UPRT: variants seen among roughly 807,000 people sequenced by gnomAD.
The protein encoded by UPRT is RP11-311P8.3.
Under a neutral mutation model 22.6 loss-of-function variants are expected in UPRT, and 5 were observed. That is an observed-to-expected ratio of 0.22 (90% CI 0.12 to 0.47). The LOEUF (loss-of-function observed/expected upper bound fraction) is 0.47, where lower values mean the gene tolerates loss of function less well. UPRT is among the 20% of genes least tolerant of loss of function. The pLI, the probability that UPRT is intolerant of heterozygous loss-of-function variation, is 0.99. For synonymous variants in UPRT, 77 were observed against 87.7 expected (o/e 0.88, Z 0.68); for missense variants, 181 against 239.9 (o/e 0.75, Z 1.62).
chrX:75,252,436 A>T (rs1051799107), intron 4 of UPRT, among the ~76,000 whole-genome samples: 2 of 112,860 alleles, frequency 1.8e-5, no homozygotes, highest in Admixed American at 1.9e-4. Context: ...AAAACACATG[A>T]AAAAATGCTC....
chrX:75,234,786 A>G (rs1273498561), intron 4 of UPRT, among the ~76,000 whole-genome samples: 2 of 111,234 alleles, frequency 1.8e-5, no homozygotes, highest in Non-Finnish European at 3.8e-5. Context: ...CATTCAAAGC[A>G]GTGTGTAGAG....
intron 1 of UPRT, among the ~76,000 whole-genome samples, chrX:75,289,266 T>G (rs1201363790): frequency 1.8e-5 from 2 of 111,019 alleles, no homozygotes; most frequent in Non-Finnish European, 3.8e-5. Context: ...GCAAAAGATC[T>G]CTACAAAGAG....
intron 6 of UPRT, 112 bp downstream of exon 6, chrX:75,301,077 C>A: frequency 2.1e-6 from 1 of 483,962 alleles, no homozygotes; most frequent in Non-Finnish European, 3.4e-6. Context: ...CACATTAAAT[C>A]TGAATCTAAT....
intron 4 of UPRT, among the ~76,000 whole-genome samples, chrX:75,224,408 CCTT>C (rs1426216366): frequency 9.9e-5 from 11 of 110,697 alleles, no homozygotes; most frequent in Non-Finnish European, 2.1e-4. Context: ...ATTATTATTT[CCTT>C]CTTTTTTTTT....
chrX:75,177,447 A>T (rs753207269), intron 4 of UPRT, among the ~76,000 whole-genome samples: 2 of 111,276 alleles, frequency 1.8e-5, no homozygotes, highest in East Asian at 2.8e-4. Flanking sequence ...GGACCGACCG[A>T]GAAAAATCGG....
intron 3 of UPRT, among the ~76,000 whole-genome samples, chrX:75,165,556 A>G (rs1279280491): frequency 1.8e-5 from 2 of 111,755 alleles, no homozygotes; most frequent in African/African-American, 3.3e-5. Flanking sequence ...AGCAGATGAA[A>G]TAACACAAGA....
chrX:75,194,379 G>A (rs2082326257), intron 4 of UPRT, among the ~76,000 whole-genome samples: 1 of 111,307 alleles, frequency 9.0e-6, no homozygotes, highest in African/African-American at 3.3e-5. Flanking sequence ...ACACTCTGAT[G>A]GGTGATGTCA....
chrX:75,285,853 AT>A (rs1163934020), intron 1 of UPRT, among the ~76,000 whole-genome samples: 2 of 110,369 alleles, frequency 1.8e-5, no homozygotes, highest in East Asian at 2.8e-4. Flanking sequence ...ACATAATATT[AT>A]TTTTTTTAAA....
chrX:75,182,974 G>T (rs1047741734), intron 4 of UPRT, among the ~76,000 whole-genome samples: 1 of 109,282 alleles, frequency 9.2e-6, no homozygotes, highest in African/African-American at 3.3e-5. Flanking sequence ...TTTTTGACGT[G>T]GGCATTTAGT....
chrX:75,205,162 A>G (rs1446107366), intron 4 of UPRT, among the ~76,000 whole-genome samples: 3 of 108,324 alleles, frequency 2.8e-5, no homozygotes, highest in Non-Finnish European at 5.8e-5. Context: ...TGAGGTCAGG[A>G]GATCGAGACC....
rs139330515 is a variant in UPRT at position 75,215,551 on chromosome X, T to C, written c.-447+47672T>C. On this transcript the variant is annotated intron_variant, in intron 4 of 13. Transcript: ENST00000652605. ...AGAGGGGACATCACTAAAGATCCTA[T>C]GGACATTAAAAGGGTAATAAAGAAA... is the stretch of plus-strand genomic sequence containing the variant. Among the ~76,000 whole-genome samples, 627 of 111,930 alleles carry C rather than the reference T, an allele frequency of 5.6e-3. 3 individuals are homozygous for C. Among genetic ancestry groups the C allele is most frequent in the African/African-American group, 0.02 (602 of 30,858 alleles).
intron 4 of UPRT, among the ~76,000 whole-genome samples, chrX:75,218,371 TA>T (rs2082399782): frequency 9.2e-6 from 1 of 108,386 alleles, no homozygotes; most frequent in African/African-American, 3.4e-5. Flanking sequence ...TGGCAATCAT[TA>T]AAAAGTCAGG....
chrX:75,188,651 A>G (rs879160116), intron 4 of UPRT, among the ~76,000 whole-genome samples: 4 of 112,401 alleles, frequency 3.6e-5, no homozygotes, highest in Non-Finnish European at 7.5e-5. Context: ...TTGATCTCAG[A>G]CTGCTGTGCT....
chrX:75,188,908 C>T (rs2082305137), intron 4 of UPRT, among the ~76,000 whole-genome samples: 2 of 111,447 alleles, frequency 1.8e-5, no homozygotes, highest in Non-Finnish European at 1.9e-5. Context: ...TGACCTGCGC[C>T]TACTGTCTGG....
chrX:75,237,770 G>A (rs1382400206), intron 4 of UPRT, among the ~76,000 whole-genome samples: 1 of 92,383 alleles, frequency 1.1e-5, no homozygotes, highest in African/African-American at 4.0e-5. Context: ...GACACAGGAA[G>A]GGGAACATCA....
chrX:75,183,065 C>A (rs1458497987), intron 4 of UPRT, among the ~76,000 whole-genome samples: 1 of 110,060 alleles, frequency 9.1e-6, no homozygotes, highest in Non-Finnish European at 1.9e-5. Flanking sequence ...GGTACATGTG[C>A]ACAACATGCA....
chrX:75,189,610 G>A (rs1374638012), intron 4 of UPRT, among the ~76,000 whole-genome samples: 2 of 111,458 alleles, frequency 1.8e-5, no homozygotes, highest in Non-Finnish European at 3.8e-5. Context: ...TTATTGTGTG[G>A]GAATCTAAGT....
intron 4 of UPRT, among the ~76,000 whole-genome samples, chrX:75,263,221 A>G (rs2082574978): frequency 8.9e-6 from 1 of 111,784 alleles, no homozygotes; most frequent in South Asian, 3.7e-4. Flanking sequence ...TATCACGATG[A>G]TGCTGGCCTC....
chrX:75,297,189 G>A (rs1346796801), intron 3 of UPRT, among the ~76,000 whole-genome samples: 1 of 112,014 alleles, frequency 8.9e-6, no homozygotes, highest in Non-Finnish European at 1.9e-5. Flanking sequence ...TCAGAGTGCA[G>A]TGATTCTCTT....
Sources: allele counts gnomAD v4.1 joint callset (sites outside exome capture counted in the v4.1 genomes callset), GRCh38; gene constraint gnomAD v4.1.1; transcripts MANE v1.5; gene names NCBI Gene and HGNC (gene_info 2026-07-23, HGNC 2026-07-21).